Variants in SNX8 observed in about 807,000 individuals in gnomAD.
The protein encoded by SNX8 is sorting nexin 8, also known as sorting nexin-8.
SNX8 carries 25 observed loss-of-function variants against 51.6 expected under a neutral mutation model. That is an observed-to-expected ratio of 0.48 (90% CI 0.35 to 0.68). The LOEUF (loss-of-function observed/expected upper bound fraction) is 0.68, where lower values mean the gene tolerates loss of function less well. SNX8 is among the 30% of genes least tolerant of loss of function. The pLI is 0.00. For synonymous variants in SNX8, 324 were observed against 277.0 expected (o/e 1.17, Z -1.68); for missense variants, 695 against 624.0 (o/e 1.11, Z -1.21).
At chr7:2,265,315 G>A (rs1183194762) in intron 5 of SNX8, among the ~76,000 whole-genome samples, 3 of 152,222 alleles carry the variant, frequency 2.0e-5, no homozygotes, top group African/African-American at 7.2e-5. Flanking sequence ...ACCCCAGCCT[G>A]GGCAACAGAG....
chr7:2,271,340 G>C (rs572526590), intron 4 of SNX8, among the ~76,000 whole-genome samples: 5 of 152,194 alleles, frequency 3.3e-5, no homozygotes, highest in African/African-American at 9.6e-5. Context: ...CTGTACCTGC[G>C]AACTGTAGCT....
At position 2,255,054 on chromosome 7, in the gene SNX8, C is replaced by T. The variant is rs1478260247; in HGVS notation, c.*2G>A. ...CAGGGAGCACCACCTCAGCCTCAGG[C>T]GCTAGTGAGGACACAGGCCGTCCTC... On this transcript the variant is annotated 3_prime_UTR_variant, in exon 11 of 11. Transcript: ENST00000222990. 33 of 1,550,880 alleles carry T rather than the reference C, an allele frequency of 2.1e-5. No homozygotes were observed. The highest frequency in any genetic ancestry group is 2.5e-5 in the Non-Finnish European group (29 of 1,143,676).
At chr7:2,307,077 A>G (rs1289620434) in intron 1 of SNX8, among the ~76,000 whole-genome samples, 3 of 152,238 alleles carry the variant, frequency 2.0e-5, no homozygotes, top group East Asian at 3.9e-4. Flanking sequence ...CCTGCTACAC[A>G]CAACAGAAAC....
chr7:2,329,961 T>C, intron 1 of SNX8, among the ~76,000 whole-genome samples: 1 of 110,542 alleles, frequency 9.0e-6, no homozygotes, highest in East Asian at 2.9e-4. Flanking sequence ...CCCCGCCCCA[T>C]GTAGCTGAGA....
intron 1 of SNX8, among the ~76,000 whole-genome samples, chr7:2,303,282 G>T (rs1320498873): frequency 5.0e-4 from 71 of 141,860 alleles, no homozygotes; most frequent in African/African-American, 1.9e-3. Flanking sequence ...GGAGGGAGGT[G>T]GGGGGGTCAG....
At chr7:2,345,925 A>G (rs1779014101) in intron 1 of SNX8, among the ~76,000 whole-genome samples, 1 of 151,904 alleles carries the variant, frequency 6.6e-6, no homozygotes, top group African/African-American at 2.4e-5. Flanking sequence ...CTCCTACCTC[A>G]GCCTCCCGAG....
intron 4 of SNX8, among the ~76,000 whole-genome samples, chr7:2,271,416 C>G (rs1476718844): frequency 6.6e-6 from 1 of 152,218 alleles, no homozygotes; most frequent in African/African-American, 2.4e-5. Context: ...AGACCTCTGA[C>G]GGAGTGCATG....
chr7:2,337,762 A>G (rs1226274643), intron 1 of SNX8, among the ~76,000 whole-genome samples: 1 of 150,834 alleles, frequency 6.6e-6, no homozygotes, highest in Admixed American at 6.7e-5. Context: ...CCCCTTTATT[A>G]CATTAAAAAA....
At chr7:2,263,003 C>T (rs1295887394) in intron 7 of SNX8, among the ~76,000 whole-genome samples, 1 of 152,258 alleles carries the variant, frequency 6.6e-6, no homozygotes, top group Non-Finnish European at 1.5e-5. Flanking sequence ...CCTGTAATCC[C>T]AGCTACTCAG....
In SNX8 at chr7:2,254,118, C is replaced by G. The variant is rs971459272; in HGVS notation, c.*938G>C. ...ACTGGTTCCCTCTGTGAGCAGGTGG[C>G]TGGGCCGGCAAGTGCGTGACGGGAG... is the stretch of plus-strand genomic sequence containing the variant. On this transcript the variant is annotated 3_prime_UTR_variant, in exon 11 of 11. Transcript: ENST00000222990. 1 of 152,582 alleles carries G rather than the reference C, an allele frequency of 6.6e-6. No homozygotes were observed. Among genetic ancestry groups the G allele is most frequent in the Non-Finnish European group, 1.5e-5 (1 of 68,342 alleles). 9.5% of individuals were successfully genotyped at this position (152,582 alleles called of 1,614,324 possible).
chr7:2,330,138 CTTTTTTT>C (rs71023396), intron 1 of SNX8, among the ~76,000 whole-genome samples: 4 of 107,060 alleles, frequency 3.7e-5, no homozygotes, highest in Admixed American at 1.1e-4. Context: ...GCCCTTTTTT[CTTTTTTT>C]TTTTTTTTTT....
intron 1 of SNX8, 42 bp downstream of exon 1, chr7:2,314,286 G>C: frequency 5.8e-6 from 7 of 1,217,272 alleles, no homozygotes; most frequent in Non-Finnish European, 7.2e-6. Flanking sequence ...GTCGGGCCGC[G>C]CGCCCTGGGC....
chr7:2,319,355 T>C (rs1046901794), upstream of SNX8, among the ~76,000 whole-genome samples: 1 of 144,072 alleles, frequency 6.9e-6, no homozygotes, highest in Non-Finnish European at 1.5e-5. Context: ...AAAAATAAAA[T>C]AAAATAAAAA....
chr7:2,271,888 C>A lies in SNX8; in HGVS notation c.502G>T (p.Asp168Tyr). Residue 168 changes from aspartate (D) to tyrosine (Y), a missense_variant, in exon 4 of 11, where the codon GAT becomes TAT. Asp to Tyr is a radical substitution (Grantham distance 160). Coordinates refer to ENST00000222990, the MANE Select transcript of SNX8 (RefSeq NM_013321.4). Reference sequence around the variant, plus strand: ...GACAGGAAGAGCTTGAGGACCACATCCTCGGAGAACAGGGGGTGTCGCGCC... The same window carrying A: ...GACAGGAAGAGCTTGAGGACCACATACTCGGAGAACAGGGGGTGTCGCGCC... ...LVARHPLFSE[D>Y]VVLKLFLSFS... 6.2e-7 allele frequency: 1 copy of A among 1,613,446 alleles called. No homozygotes were observed. The highest frequency in any genetic ancestry group is 1.7e-5 in the Admixed American group (1 of 59,922).
intron 1 of SNX8, among the ~76,000 whole-genome samples, chr7:2,305,760 CG>C (rs1250537761): frequency 6.6e-6 from 1 of 152,060 alleles, no homozygotes; most frequent in Non-Finnish European, 1.5e-5. Flanking sequence ...TTACCAAACA[CG>C]TGTAACCACC....
chr7:2,347,022 T>G (rs571875094), intron 1 of SNX8, among the ~76,000 whole-genome samples: 1 of 151,650 alleles, frequency 6.6e-6, no homozygotes, highest in South Asian at 2.1e-4. Flanking sequence ...CCAAGCATCA[T>G]AGGGCAGAAA....
At chr7:2,334,072 C>A (rs1778783726) in intron 1 of SNX8, among the ~76,000 whole-genome samples, 2 of 151,924 alleles carry the variant, frequency 1.3e-5, no homozygotes, top group Non-Finnish European at 2.9e-5. Context: ...GAGTTCCAGA[C>A]CAGATTGGGC....
At chr7:2,331,658 T>C (rs1349255610) in intron 1 of SNX8, among the ~76,000 whole-genome samples, 1 of 151,482 alleles carries the variant, frequency 6.6e-6, no homozygotes, top group Non-Finnish European at 1.5e-5. Context: ...TGAGCCAAGA[T>C]CACACCACTG....
intron 1 of SNX8, among the ~76,000 whole-genome samples, chr7:2,344,578 C>G (rs1308729492): frequency 6.9e-6 from 1 of 145,736 alleles, no homozygotes; most frequent in Non-Finnish European, 1.5e-5. Context: ...CGCCACTGCA[C>G]TCCAGCCTGG....
Sources: allele counts gnomAD v4.1 joint callset (sites outside exome capture counted in the v4.1 genomes callset), GRCh38; gene constraint gnomAD v4.1.1; transcripts MANE v1.5; gene names NCBI Gene and HGNC (gene_info 2026-07-23, HGNC 2026-07-21).